BABAM2: variants seen among roughly 807,000 people sequenced by gnomAD.
BABAM2 encodes BRISC and BRCA1 A complex member 2.
A neutral mutation model predicts 54.7 loss-of-function variants in BABAM2; 31 were observed. The ratio of observed to expected loss-of-function variants is 0.57; its 90% CI spans 0.43 to 0.77. BABAM2 has a LOEUF of 0.77. Among genes scored for constraint, BABAM2 ranks in the 30% least tolerant of loss-of-function variants. BABAM2 has a pLI of 0.00. For synonymous variants in BABAM2, 167 were observed against 162.9 expected, an observed-to-expected ratio of 1.03 and a Z score of -0.19; for missense variants, 364 against 455.8, an observed-to-expected ratio of 0.80 and a Z score of 1.83.
At chr2:28,312,219 C>A (rs887701214) in intron 11 of BABAM2, among the ~76,000 whole-genome samples, 1 of 152,112 alleles carries the variant, frequency 6.6e-6, no homozygotes, top group Admixed American at 6.5e-5. Flanking sequence ...TAATGACAAG[C>A]AGAGGCCTTG....
At chr2:28,139,182 C>T (rs111285567) in intron 7 of BABAM2, among the ~76,000 whole-genome samples, 4 of 152,000 alleles carry the variant, frequency 2.6e-5, no homozygotes, top group African/African-American at 7.2e-5. Flanking sequence ...AATCCCAGCA[C>T]TCTAGGAGTC....
chr2:28,149,648 C>T (rs548295498), intron 7 of BABAM2, among the ~76,000 whole-genome samples: 1 of 152,142 alleles, frequency 6.6e-6, no homozygotes, highest in Non-Finnish European at 1.5e-5. Flanking sequence ...CCGTATCACT[C>T]CACACGCCTG....
chr2:27,936,524 C>A (rs983806316), intron 3 of BABAM2, among the ~76,000 whole-genome samples: 2 of 152,094 alleles, frequency 1.3e-5, no homozygotes, highest in African/African-American at 2.4e-5. Context: ...CACTATTCAC[C>A]ATAGCAAAGA....
At chr2:28,079,251 A>G (rs1382398513) in intron 6 of BABAM2, among the ~76,000 whole-genome samples, 1 of 152,176 alleles carries the variant, frequency 6.6e-6, no homozygotes, top group Non-Finnish European at 1.5e-5. Context: ...GTAAGGGGCT[A>G]CACAGGCCCT....
intron 4 of BABAM2, among the ~76,000 whole-genome samples, chr2:28,003,656 A>G (rs997669679): frequency 1.6e-4 from 24 of 152,244 alleles, no homozygotes; most frequent in Admixed American, 1.4e-3. Context: ...AGGTATTGAA[A>G]ATGAACATGG....
chr2:28,220,751 A>G (rs908540273), intron 7 of BABAM2, among the ~76,000 whole-genome samples: 4 of 152,182 alleles, frequency 2.6e-5, no homozygotes, highest in Non-Finnish European at 5.9e-5. Flanking sequence ...CAACATAGGA[A>G]GACCTTGCTT....
At chr2:27,986,544 G>T (rs1264187844) in intron 3 of BABAM2, among the ~76,000 whole-genome samples, 1 of 152,070 alleles carries the variant, frequency 6.6e-6, no homozygotes, top group Non-Finnish European at 1.5e-5. Context: ...AGTATACAGG[G>T]TGTATGAAAG....
chr2:28,107,586 A>G (rs992430351), intron 6 of BABAM2, among the ~76,000 whole-genome samples: 28 of 151,968 alleles, frequency 1.8e-4, no homozygotes, highest in Non-Finnish European at 2.2e-4. Context: ...ACTCCCTTGG[A>G]TCATTTGGAT....
At chr2:28,167,384 A>T (rs1158350799) in intron 7 of BABAM2, among the ~76,000 whole-genome samples, 1 of 152,210 alleles carries the variant, frequency 6.6e-6, no homozygotes, top group Non-Finnish European at 1.5e-5. Flanking sequence ...TTTATTAATA[A>T]CGGGTTATTT....
At chr2:28,280,142 T>C (rs916681405) in intron 10 of BABAM2, among the ~76,000 whole-genome samples, 6 of 152,048 alleles carry the variant, frequency 3.9e-5, no homozygotes, top group African/African-American at 1.4e-4. Flanking sequence ...CACTGCAGCC[T>C]TGACCTCCTG....
intron 4 of BABAM2, among the ~76,000 whole-genome samples, chr2:28,012,108 A>G (rs1217028635): frequency 1.3e-5 from 2 of 152,258 alleles, no homozygotes; most frequent in Non-Finnish European, 2.9e-5. Flanking sequence ...AGAAGCACAC[A>G]TTAACTTAAA....
Position 28,301,506 on chromosome 2 carries a change from A to C in BABAM2, c.1088+3015A>C, listed in dbSNP as rs141142457. Among the ~76,000 whole-genome samples, 3 of 152,262 alleles carry C rather than the reference A, an allele frequency of 2.0e-5. No individual in the cohort carries two copies. In the East Asian group the frequency reaches 5.8e-4, roughly 29 times the overall value. ...TAACCTCTCTGAACCTCATTCCTAA[A>C]ACAGGACTGTACTCCTCCCTATTGG... On this transcript the variant is annotated intron_variant, in intron 11 of 11. Transcript: ENST00000379624.
At chr2:27,925,433 T>C (rs1667619411) in intron 2 of BABAM2, among the ~76,000 whole-genome samples, 1 of 152,194 alleles carries the variant, frequency 6.6e-6, no homozygotes, top group African/African-American at 2.4e-5. Flanking sequence ...TCTTTCTTTT[T>C]TCAGATCTAA....
chr2:28,164,552 T>C (rs1392147407), intron 7 of BABAM2, among the ~76,000 whole-genome samples: 1 of 151,898 alleles, frequency 6.6e-6, no homozygotes, highest in Non-Finnish European at 1.5e-5. Flanking sequence ...AAAACTAAAC[T>C]GTTTACACTA....
intron 3 of BABAM2, among the ~76,000 whole-genome samples, chr2:27,985,411 G>A (rs1672331202): frequency 6.6e-6 from 1 of 151,876 alleles, no homozygotes; most frequent in African/African-American, 2.4e-5. Flanking sequence ...TTTGATTATG[G>A]CCATTCTTGC....
At chr2:28,171,767 G>A (rs1674352315) in intron 7 of BABAM2, among the ~76,000 whole-genome samples, 1 of 152,038 alleles carries the variant, frequency 6.6e-6, no homozygotes, top group Non-Finnish European at 1.5e-5. Flanking sequence ...TATGTGGGCT[G>A]GCTCTCCTAG....
intron 10 of BABAM2, among the ~76,000 whole-genome samples, chr2:28,296,435 A>G (rs1175166330): frequency 6.6e-6 from 1 of 152,086 alleles, no homozygotes; most frequent in African/African-American, 2.4e-5. Context: ...CTGTCGTGTG[A>G]TTCATCTGTA....
chr2:28,252,752 TC>T lies in BABAM2; in HGVS notation c.934+7894del, dbSNP rs144690479. Reference sequence around the variant, plus strand: ...CTTGCACAATCATGCAATGAATTTTTCCCCTGTACCCTCTTATATATGTTGT... The same window carrying T: ...CTTGCACAATCATGCAATGAATTTTTCCCTGTACCCTCTTATATATGTTGT... On this transcript the variant is annotated intron_variant, in intron 10 of 11. Coordinates refer to ENST00000379624, the MANE Select transcript of BABAM2 (RefSeq NM_199191.3). Among the ~76,000 whole-genome samples, 109 of 152,372 alleles carry T rather than the reference TC, an allele frequency of 7.2e-4. 1 individual carries two copies. The highest frequency in any genetic ancestry group is 5.2e-3 in the Admixed American group (80 of 15,306).
intron 5 of BABAM2, among the ~76,000 whole-genome samples, chr2:28,029,709 A>G (rs1211589310): frequency 6.6e-6 from 1 of 152,164 alleles, no homozygotes; most frequent in Admixed American, 6.5e-5. Flanking sequence ...TCTTTGGGAT[A>G]TATACCTACA....
Sources: gnomAD v4.1 joint callset for allele counts (sites outside exome capture counted in the v4.1 genomes callset) on GRCh38, gnomAD v4.1.1 for gene constraint, MANE v1.5 for transcripts, NCBI Gene and HGNC (gene_info 2026-07-23, HGNC 2026-07-21) for gene names.